The following NOL4 variants were observed in gnomAD, a reference collection of about 807,000 sequenced individuals.
NOL4 encodes nucleolar protein 4.
Under a neutral mutation model 75.9 loss-of-function variants are expected in NOL4, and 17 were observed. The ratio of observed to expected loss-of-function variants is 0.22; its 90% CI spans 0.15 to 0.34. NOL4 has a LOEUF of 0.34. Among genes scored for constraint, NOL4 ranks in the 10% least tolerant of loss-of-function variants. NOL4 has a pLI of 1.00. For missense variants in NOL4, 614 were observed against 793.5 expected (o/e 0.77, Z 2.72); for synonymous variants, 292 against 289.9 (o/e 1.01, Z -0.07).
intron 1 of NOL4, among the ~76,000 whole-genome samples, chr18:34,208,319 G>C (rs2036263930): frequency 6.6e-6 from 1 of 151,994 alleles, no homozygotes; most frequent in African/African-American, 2.4e-5. Context: ...CCCTATGGTA[G>C]TTTTCTAGAA....
chr18:34,017,792 G>A (rs148624891), intron 6 of NOL4, among the ~76,000 whole-genome samples: 69 of 152,060 alleles, frequency 4.5e-4, no homozygotes, highest in Non-Finnish European at 7.6e-4. Flanking sequence ...TTTCTTCTGC[G>A]TCTTTGGCTA....
At chr18:34,077,180 C>G (rs1306625760) in intron 5 of NOL4, among the ~76,000 whole-genome samples, 1 of 151,982 alleles carries the variant, frequency 6.6e-6, no homozygotes, top group East Asian at 1.9e-4. Context: ...TGATGGCACA[C>G]CCCTGTGGGC....
At chr18:34,071,092 G>A (rs1309380830) in intron 5 of NOL4, among the ~76,000 whole-genome samples, 1 of 152,136 alleles carries the variant, frequency 6.6e-6, no homozygotes, top group Non-Finnish European at 1.5e-5. Context: ...TAAAAGAGAA[G>A]ATTCTGAGTG....
At chr18:34,125,188 C>T (rs2080329911) in intron 2 of NOL4, among the ~76,000 whole-genome samples, 1 of 152,104 alleles carries the variant, frequency 6.6e-6, no homozygotes, top group Admixed American at 6.6e-5. Flanking sequence ...AATTGTAAAA[C>T]TTGAGGCACT....
intron 6 of NOL4, among the ~76,000 whole-genome samples, chr18:33,964,689 T>C (rs2070438501): frequency 6.6e-6 from 1 of 152,144 alleles, no homozygotes; most frequent in South Asian, 2.1e-4. Context: ...ACTTTGGATG[T>C]AGGCCCAGCA....
intron 2 of NOL4, among the ~76,000 whole-genome samples, chr18:34,119,191 T>C (rs1196858475): frequency 6.6e-6 from 1 of 152,220 alleles, no homozygotes. Flanking sequence ...GTAATCACTG[T>C]ATCTCTCAAA....
At chr18:34,160,845 G>A (rs1026289783) in intron 1 of NOL4, among the ~76,000 whole-genome samples, 2 of 152,044 alleles carry the variant, frequency 1.3e-5, no homozygotes, top group Non-Finnish European at 2.9e-5. Flanking sequence ...CTCTCTTCTA[G>A]CTATTTATAA....
chr18:33,955,114 C>T (rs535330254), intron 8 of NOL4, among the ~76,000 whole-genome samples: 208 of 152,120 alleles, frequency 1.4e-3, no homozygotes, highest in Non-Finnish European at 2.0e-3. Flanking sequence ...CATAGTTATA[C>T]TCATGTTGCG....
intron 6 of NOL4, among the ~76,000 whole-genome samples, chr18:33,961,532 G>A (rs1164519073): frequency 6.6e-6 from 1 of 151,992 alleles, no homozygotes; most frequent in Admixed American, 6.6e-5. Context: ...AGCAGATCAT[G>A]GCACTTCTCA....
chr18:33,966,206 C>T (rs376276384), intron 6 of NOL4, among the ~76,000 whole-genome samples: 55 of 152,028 alleles, frequency 3.6e-4, no homozygotes, highest in African/African-American at 1.3e-3. Flanking sequence ...TGTTTTGAAA[C>T]ATTAGATTAA....
intron 9 of NOL4, among the ~76,000 whole-genome samples, chr18:33,930,247 CTA>C (rs1318298666): frequency 6.6e-6 from 1 of 151,882 alleles, no homozygotes; most frequent in Non-Finnish European, 1.5e-5. Context: ...TATAAAATTT[CTA>C]TGTTTATAAA....
chr18:34,085,585 T>C lies in NOL4; in HGVS notation c.772+7880A>G, dbSNP rs374711738. 6.6e-5 allele frequency among the ~76,000 whole-genome samples: 10 copies of C among 152,292 alleles called. No individual in the cohort carries two copies. The South Asian group carries it at 1.7e-3, about 25-fold the overall frequency. On this transcript the variant is annotated intron_variant, in intron 5 of 10. Coordinates refer to ENST00000261592, the MANE Select transcript of NOL4 (RefSeq NM_003787.5). The stretch of plus-strand genomic sequence containing the variant: ...GTGGCAAGTTTGAGCCTGAAATCAA[T>C]GAGCTAATTCTCTAAACAAGCACTC...
At chr18:33,927,567 C>T (rs757664607) in intron 9 of NOL4, among the ~76,000 whole-genome samples, 72 of 152,048 alleles carry the variant, frequency 4.7e-4, no homozygotes, top group African/African-American at 9.6e-4. Context: ...CAAAGGAAGA[C>T]GACACTGATA....
At chr18:34,171,892 T>C (rs562065732) in intron 1 of NOL4, among the ~76,000 whole-genome samples, 1 of 152,126 alleles carries the variant, frequency 6.6e-6, no homozygotes, top group Non-Finnish European at 1.5e-5. Flanking sequence ...AGAATTATAC[T>C]CTCTATCCCA....
At chr18:34,148,112 G>A (rs1307633193) in intron 1 of NOL4, among the ~76,000 whole-genome samples, 2 of 149,800 alleles carry the variant, frequency 1.3e-5, no homozygotes, top group Non-Finnish European at 3.0e-5. Context: ...CTATTTTCTT[G>A]TTTGTCTGGC....
At chr18:34,105,333 T>C (rs2079220712) in intron 2 of NOL4, among the ~76,000 whole-genome samples, 173 bp from the exon 3 acceptor site, 1 of 152,022 alleles carries the variant, frequency 6.6e-6, no homozygotes, top group Non-Finnish European at 1.5e-5. Context: ...TCAAACTTGA[T>C]TAGATGTCTT....
At chr18:34,105,385 C>G (rs1184960322) in intron 2 of NOL4, among the ~76,000 whole-genome samples, 1 of 151,900 alleles carries the variant, frequency 6.6e-6, no homozygotes, top group East Asian at 1.9e-4. Flanking sequence ...AAAAATCAAC[C>G]ACATCTCGAT....
Position 33,957,375 on chromosome 18 carries a change from C to A in NOL4, c.1379G>T (p.Arg460Leu). The A allele has an allele frequency of 6.2e-7, 1 of 1,613,686 alleles. No homozygotes were observed. Among genetic ancestry groups the A allele is most frequent in the Non-Finnish European group, 8.5e-7 (1 of 1,179,776 alleles). Residue 460 changes from arginine (R) to leucine (L), a missense_variant, in exon 8 of 11, where the codon CGT (arginine) becomes CTT (leucine). Arg to Leu is a moderately radical substitution (Grantham distance 102). This residue lies in a region of NOL4 where 52 missense variants were observed against 121.1 expected (regional missense o/e 0.43). Coordinates refer to ENST00000261592, the MANE Select transcript of NOL4 (RefSeq NM_003787.5). ...CCGCCTGCAGGACTTGAGGTAAGTA[C>A]GTATACGTTTTCTGGCACGCTCTTG... is the stretch of plus-strand genomic sequence containing the variant. ...EYQERARKRI[R>L]TYLKSCRRMK...
intron 9 of NOL4, among the ~76,000 whole-genome samples, chr18:33,929,925 T>C (rs971081652): frequency 9.2e-5 from 14 of 152,092 alleles, no homozygotes; most frequent in Non-Finnish European, 1.2e-4. Flanking sequence ...AGAACTCAAA[T>C]TAGAATTCAT....
Sources: gnomAD v4.1 joint callset for allele counts (sites outside exome capture counted in the v4.1 genomes callset) on GRCh38, gnomAD v4.1.1 for gene constraint, gnomAD v4.1.1 regional missense constraint, MANE v1.5 for transcripts, NCBI Gene and HGNC (gene_info 2026-07-23, HGNC 2026-07-21) for gene names.